Variants in ZNF280C observed in about 807,000 individuals in gnomAD.
The protein encoded by ZNF280C is suppressor of hairy wing homolog 3.
Under a neutral mutation model 53.6 loss-of-function variants are expected in ZNF280C, and 14 were observed. The observed-to-expected ratio is 0.26, with a 90% CI of 0.17 to 0.41. The LOEUF is 0.41. ZNF280C is among the 10% of genes least tolerant of loss of function. ZNF280C has a pLI of 1.00. For missense variants in ZNF280C, 416 were observed against 547.1 expected, an observed-to-expected ratio of 0.76 and a Z score of 2.39; for synonymous variants, 203 against 181.1, an observed-to-expected ratio of 1.12 and a Z score of -0.97.
chrX:130,229,101 A>T lies in ZNF280C; in HGVS notation c.1023T>A (p.Leu341=). Residue 341 remains leucine (L), a synonymous_variant, in exon 10 of 19, where the codon CTT becomes CTA. Transcript: ENST00000370978. ...FMNHMKHHLE[L]EKQNNESWEN... Reference sequence around the variant, plus strand: ...CCCAGCTTTCATTGTTCTGCTTCTCAAGTTCCAAGTGATGTTTCATGTGGT... The same window carrying T: ...CCCAGCTTTCATTGTTCTGCTTCTCTAGTTCCAAGTGATGTTTCATGTGGT... 2 of 1,207,859 alleles carry T rather than the reference A, an allele frequency of 1.7e-6. No individual in the cohort carries two copies. The highest frequency in any genetic ancestry group is 2.2e-6 in the Non-Finnish European group (2 of 893,569).
chrX:130,208,694 A>C (rs1489723175), intron 16 of ZNF280C, among the ~76,000 whole-genome samples: 1 of 106,213 alleles, frequency 9.4e-6, no homozygotes, highest in East Asian at 2.8e-4. Flanking sequence ...TAAAAATAGC[A>C]TAATTTTTTT....
At chrX:130,256,748 A>T (rs962500230) in intron 2 of ZNF280C, among the ~76,000 whole-genome samples, 1 of 106,085 alleles carries the variant, frequency 9.4e-6, no homozygotes, top group Non-Finnish European at 1.9e-5. Flanking sequence ...AAAATACAAA[A>T]ATTTGCAGTG....
At chrX:130,211,842 G>A (rs2032044604) in intron 15 of ZNF280C, among the ~76,000 whole-genome samples, 1 of 111,865 alleles carries the variant, frequency 8.9e-6, no homozygotes, top group Non-Finnish European at 1.9e-5. Context: ...AGGGGAGGAC[G>A]GAATGACACA....
intron 3 of ZNF280C, among the ~76,000 whole-genome samples, chrX:130,245,131 T>C (rs1000767635): frequency 1.8e-5 from 2 of 111,736 alleles, no homozygotes; most frequent in Non-Finnish European, 3.8e-5. Context: ...AGCTCACAAA[T>C]AAAACATCAA....
intron 10 of ZNF280C, among the ~76,000 whole-genome samples, chrX:130,228,617 CTTTTTTTTTTT>C (rs35926660): frequency 1.7e-5 from 1 of 58,394 alleles, no homozygotes; most frequent in South Asian, 1.1e-3. Context: ...TTTTCTTCTA[CTTTTTTTTTTT>C]TTTTTTTTTT....
rs184766256 is a variant in ZNF280C at position 130,202,971 on chromosome X, T to G, written c.*2006A>C. The stretch of plus-strand genomic sequence containing the variant: ...AAGAAGGTATTATGTATTAGATGTA[T>G]AGAAATGTAACTTTAAAACTTGTTT... On this transcript the variant is annotated 3_prime_UTR_variant, in exon 19 of 19. Coordinates refer to ENST00000370978, the MANE Select transcript of ZNF280C (RefSeq NM_017666.5). 1.3e-4 allele frequency: 15 copies of G among 111,946 alleles called. No homozygotes were observed. The highest frequency in any genetic ancestry group is 1.2e-3 in the Admixed American group (13 of 10,495). 9.2% of individuals were successfully genotyped at this position (111,946 alleles called of 1,213,427 possible). A position where few individuals can be genotyped will look rare whatever the true frequency, so the allele number is the denominator to read the frequency against.
At chrX:130,222,282 A>ACACACACC (rs2032174501) in intron 12 of ZNF280C, among the ~76,000 whole-genome samples, 2 of 74,670 alleles carry the variant, frequency 2.7e-5, no homozygotes, top group African/African-American at 1.1e-4. Flanking sequence ...GACACCACAC[A>ACACACACC]CACACACACA....
chrX:130,229,252 TC>T, intron 9 of ZNF280C, 118 bp from the exon 10 acceptor site: 1 of 700,365 alleles, frequency 1.4e-6, no homozygotes, highest in Non-Finnish European at 2.1e-6. Context: ...AAATAACATC[TC>T]CAAGGCCTGA....
intron 8 of ZNF280C, among the ~76,000 whole-genome samples, chrX:130,231,704 T>A (rs895249700): frequency 1.8e-5 from 2 of 110,238 alleles, no homozygotes; most frequent in Non-Finnish European, 3.8e-5. Flanking sequence ...AACTTGCACA[T>A]GTACCCCTGA....
rs1190848065 is a variant in ZNF280C, at chrX:130,203,907, A to G, written c.*1070T>C. 4.5e-5 allele frequency: 5 copies of G among 110,556 alleles called. No individual in the cohort carries two copies. Among genetic ancestry groups the G allele is most frequent in the Non-Finnish European group, 7.6e-5 (4 of 52,952 alleles). The allele number at this position is 110,556 out of a possible 1,213,427, so 9.1% of individuals were successfully genotyped here. A position where few individuals can be genotyped will look rare whatever the true frequency, so the allele number is the denominator to read the frequency against. On this transcript the variant is annotated 3_prime_UTR_variant, in exon 19 of 19. Coordinates refer to ENST00000370978, the MANE Select transcript of ZNF280C (RefSeq NM_017666.5). ...CCAAAATGGCTAAACGTCAGCCTGG[A>G]TGTTGAAGCACTGATCTAAAAACAA...
chrX:130,215,219 G>C lies in ZNF280C; in HGVS notation c.1953C>G (p.Asn651Lys). 1.7e-6 allele frequency: 2 copies of C among 1,205,605 alleles called. No individual in the cohort carries two copies. Among genetic ancestry groups the C allele is most frequent in the Non-Finnish European group, 2.2e-6 (2 of 892,735 alleles). ...TCATCATATGATTTACAAAGGCTTT[G>C]TTACAGTTAGTATTGTACTTGCAAA... ...CSFCKYNTNC[N>K]KAFVNHMMSS... The change falls in exon 15 of 19, where the codon AAC (asparagine) becomes AAG (lysine). Residue 651 changes from asparagine (N) to lysine (K), a missense_variant. Physicochemically the swap from Asn to Lys is moderately conservative, Grantham distance 94. Coordinates refer to ENST00000370978, the MANE Select transcript of ZNF280C (RefSeq NM_017666.5).
intron 1 of ZNF280C, among the ~76,000 whole-genome samples, chrX:130,263,174 C>T (rs1177358804): frequency 1.8e-5 from 2 of 112,056 alleles, no homozygotes; most frequent in African/African-American, 6.5e-5. Context: ...CAAAGTTAAA[C>T]AGAGTTATCA....
In ZNF280C at chrX:130,257,011, T is replaced by A. The variant is rs755001994; in HGVS notation, c.31+3408A>T. On this transcript the variant is annotated intron_variant, in intron 2 of 18. Transcript: ENST00000370978. ...GTCAGGAGATCGAGACCATCCTGGC[T>A]AACATGGTGAAACCCCGTCTCTACT... 3.7e-5 allele frequency among the ~76,000 whole-genome samples: 4 copies of A among 108,762 alleles called. No individual in the cohort carries two copies. In the South Asian group the frequency reaches 1.6e-3, roughly 44 times the overall value. The allele number at this position is 108,762 out of a possible 115,157, so 94.4% of individuals were successfully genotyped here. A position where few individuals can be genotyped will look rare whatever the true frequency, so the allele number is the denominator to read the frequency against.
At chrX:130,262,335 C>G (rs764765527) in intron 1 of ZNF280C, among the ~76,000 whole-genome samples, 2 of 112,242 alleles carry the variant, frequency 1.8e-5, no homozygotes, top group South Asian at 7.4e-4. Context: ...AAGTGGTTAG[C>G]GACTACTATA....
chrX:130,221,388 C>A (rs575752), intron 12 of ZNF280C, among the ~76,000 whole-genome samples: 2 of 109,990 alleles, frequency 1.8e-5, no homozygotes, highest in East Asian at 5.8e-4. Flanking sequence ...TATACCTATA[C>A]CTCATTCAGT....
At chrX:130,243,996 T>C (rs771458507) in intron 3 of ZNF280C, 131 bp from the exon 4 acceptor site, 1 of 374,596 alleles carries the variant, frequency 2.7e-6, no homozygotes, top group African/African-American at 2.7e-5. Flanking sequence ...GGTGACAGGG[T>C]TGTGTACAGA....
intron 15 of ZNF280C, among the ~76,000 whole-genome samples, chrX:130,213,167 C>T (rs1175176934): frequency 9.1e-6 from 1 of 110,135 alleles, no homozygotes; most frequent in Non-Finnish European, 1.9e-5. Context: ...TCCTGGCTAA[C>T]ATGGTGAAAC....
chrX:130,233,895 G>A (rs759792204), intron 8 of ZNF280C, among the ~76,000 whole-genome samples: 3 of 108,694 alleles, frequency 2.8e-5, no homozygotes, highest in Admixed American at 9.9e-5. Flanking sequence ...TAAATAAAGC[G>A]TTAAATAAAG....
chrX:130,214,863 T>C (rs189186356), intron 15 of ZNF280C, among the ~76,000 whole-genome samples: 74 of 111,942 alleles, frequency 6.6e-4, no homozygotes, highest in African/African-American at 2.3e-3. Context: ...ATTTATTTGA[T>C]AAATATATTG....
Sources: allele counts gnomAD v4.1 joint callset (sites outside exome capture counted in the v4.1 genomes callset), GRCh38; gene constraint gnomAD v4.1.1; transcripts MANE v1.5; gene names NCBI Gene and HGNC (gene_info 2026-07-23, HGNC 2026-07-21).